Variants in ZNF250 observed in about 807,000 individuals in gnomAD.
ZNF250 encodes zinc finger protein (clone 647).
A neutral mutation model predicts 37.1 loss-of-function variants in ZNF250; 13 were observed. That is an observed-to-expected ratio of 0.35 (90% CI 0.23 to 0.56). ZNF250 has a LOEUF of 0.56. Among genes scored for constraint, ZNF250 ranks in the 20% least tolerant of loss-of-function variants. ZNF250 has a pLI of 0.87. For missense variants in ZNF250, 474 were observed against 697.9 expected, an observed-to-expected ratio of 0.68 and a Z score of 3.61; for synonymous variants, 251 against 265.6, an observed-to-expected ratio of 0.94 and a Z score of 0.54.
At position 144,886,095 on chromosome 8, in the gene ZNF250, TAA is replaced by T. The variant is rs34422407; in HGVS notation, c.346+743_346+744del. 1.2e-3 allele frequency among the ~76,000 whole-genome samples: 138 copies of T among 116,690 alleles called. 1 individual carries two copies. The Middle Eastern group carries it at 0.013, about 11-fold the overall frequency. 76.6% of individuals were successfully genotyped at this position (116,690 alleles called of 152,430 possible). ...CTGGGCAACAGAGTGAGAGCCTGTCTAAAAAAAAAAAAAAAAAGTTTCCTGAA... is the reference window on the plus strand; with the variant it reads ...CTGGGCAACAGAGTGAGAGCCTGTCTAAAAAAAAAAAAAAAGTTTCCTGAA... On this transcript the variant is annotated intron_variant, in intron 5 of 5. Coordinates refer to ENST00000417550, the MANE Select transcript of ZNF250 (RefSeq NM_001109689.4).
At chr8:144,885,636 A>T (rs1030214949) in intron 5 of ZNF250, among the ~76,000 whole-genome samples, 21 of 151,842 alleles carry the variant, frequency 1.4e-4, no homozygotes, top group Non-Finnish European at 1.9e-4. Flanking sequence ...GCTAATTTTT[A>T]ATTTTATTTT....
At chr8:144,900,464 A>C (rs559588320) in intron 1 of ZNF250, among the ~76,000 whole-genome samples, 63 of 152,324 alleles carry the variant, frequency 4.1e-4, no homozygotes, top group Middle Eastern at 6.8e-3. Context: ...GAAACTGTTC[A>C]CAGCTCCTGC....
At chr8:144,899,556 A>AT (rs1832969236) in intron 1 of ZNF250, among the ~76,000 whole-genome samples, 2 of 152,178 alleles carry the variant, frequency 1.3e-5, no homozygotes. Context: ...ATACAGGTAT[A>AT]TTTTTATTAT....
intron 5 of ZNF250, among the ~76,000 whole-genome samples, chr8:144,883,305 G>A (rs986147601): frequency 2.6e-5 from 4 of 152,098 alleles, no homozygotes; most frequent in African/African-American, 9.7e-5. Flanking sequence ...ATGAGGTAGG[G>A]GTGGTGGTGC....
chr8:144,888,842 G>A (rs200239006), intron 4 of ZNF250, among the ~76,000 whole-genome samples: 1 of 152,030 alleles, frequency 6.6e-6, no homozygotes, highest in Non-Finnish European at 1.5e-5. Context: ...TCTGCCTCCC[G>A]GGTTCACGCC....
Position 144,878,188 on chromosome 8 carries a change from C to T in ZNF250, c.*3327G>A, listed in dbSNP as rs769598199. On this transcript the variant is annotated 3_prime_UTR_variant, in exon 6 of 6. Coordinates refer to ENST00000417550, the MANE Select transcript of ZNF250 (RefSeq NM_001109689.4). ...GGCTCTGAAGTAACACCTCAGTAATCTCAGTTCCTCTTTGGACTGTTACCT... is the reference window on the plus strand; with the variant it reads ...GGCTCTGAAGTAACACCTCAGTAATTTCAGTTCCTCTTTGGACTGTTACCT... 10 of 152,224 alleles carry T rather than the reference C, an allele frequency of 6.6e-5. No individual in the cohort carries two copies. Among genetic ancestry groups the T allele is most frequent in the Non-Finnish European group, 1.2e-4 (8 of 68,042 alleles). 9.4% of individuals were successfully genotyped at this position (152,224 alleles called of 1,614,324 possible).
chr8:144,882,280 C>T lies in ZNF250; in HGVS notation c.903G>A (p.Thr301=), dbSNP rs367751639. ...ACGGACACACATATGGCCTTTCTCC[C>T]GTGTGGATCCGCTGGTGCTGAATGA... ...SHLIQHQRIH[T]GERPYVCPLC... is the part of the protein sequence containing the mutation. Residue 301 remains threonine, a synonymous_variant, in exon 6 of 6, where the codon ACG becomes ACA. Coordinates refer to ENST00000417550, the MANE Select transcript of ZNF250 (RefSeq NM_001109689.4). This position sits in a 1 kb window ranked among gnomAD's most constrained non-coding sequence, Gnocchi z 5.5. The T allele has an allele frequency of 3.2e-5, 51 of 1,612,930 alleles. No individual in the cohort carries two copies. The East Asian group carries it at 6.7e-4, about 21-fold the overall frequency.
At chr8:144,893,661 A>G (rs1832510909) in intron 1 of ZNF250, among the ~76,000 whole-genome samples, 2 of 152,160 alleles carry the variant, frequency 1.3e-5, no homozygotes, top group African/African-American at 4.8e-5. Flanking sequence ...GGGTGAATGC[A>G]CAGCTCTGGT....
In ZNF250 at chr8:144,891,996, T is replaced by C. The variant is rs1459900513; in HGVS notation, c.-54-1593A>G. Among the ~76,000 whole-genome samples the C allele has an allele frequency of 6.6e-6, 1 of 152,272 alleles. No individual in the cohort carries two copies. The highest frequency in any genetic ancestry group is 1.9e-4 in the East Asian group (1 of 5,192). Reference sequence around the variant, plus strand: ...GCTGAGATCATCTCAGCTGAGACTCTGTCTCAAAACAAAACAAAAAAAACA... The same window carrying C: ...GCTGAGATCATCTCAGCTGAGACTCCGTCTCAAAACAAAACAAAAAAAACA... On this transcript the variant is annotated intron_variant, in intron 1 of 5. Transcript: ENST00000417550. This position sits in a 1 kb window ranked among gnomAD's most constrained non-coding sequence, Gnocchi z 4.0.
chr8:144,890,177 G>T lies in ZNF250; in HGVS notation c.43-118C>A. 1 of 1,525,902 alleles carries T rather than the reference G, an allele frequency of 6.6e-7. No homozygotes were observed. The highest frequency in any genetic ancestry group is 8.9e-7 in the Non-Finnish European group (1 of 1,121,412). The allele number at this position is 1,525,902 out of a possible 1,614,324, so 94.5% of individuals were successfully genotyped here. A position where few individuals can be genotyped will look rare whatever the true frequency, so the allele number is the denominator to read the frequency against. On this transcript the variant is annotated intron_variant, in intron 2 of 5. Transcript: ENST00000417550. This position sits in a 1 kb window ranked among gnomAD's most constrained non-coding sequence, Gnocchi z 5.1. ...GTGGGGGGCTCTGTGAGCTGAGGTGGGTGATGGGAAGGGGCCGCGGAGTTC... is the reference window on the plus strand; with the variant it reads ...GTGGGGGGCTCTGTGAGCTGAGGTGTGTGATGGGAAGGGGCCGCGGAGTTC...
intron 1 of ZNF250, among the ~76,000 whole-genome samples, chr8:144,898,284 G>C (rs1563903889): frequency 6.6e-6 from 1 of 151,870 alleles, no homozygotes. Flanking sequence ...GCAACAGAGT[G>C]AGACTCCATC....
Position 144,880,664 on chromosome 8 carries a change from GA to G in ZNF250, c.*850del, listed in dbSNP as rs1831407900. 2.8e-6 allele frequency: 1 copy of G among 354,342 alleles called. No individual in the cohort carries two copies. Among genetic ancestry groups the G allele is most frequent in the Non-Finnish European group, 5.7e-6 (1 of 176,576 alleles). 21.9% of individuals were successfully genotyped at this position (354,342 alleles called of 1,614,324 possible). The stretch of plus-strand genomic sequence containing the variant: ...GGATCACTTGAGGCCAGGAGTTCGA[GA>G]CCAGCCTGGCCAACACGGTGAAACT... On this transcript the variant is annotated 3_prime_UTR_variant, in exon 6 of 6. Transcript: ENST00000417550.
At position 144,896,008 on chromosome 8, in the gene ZNF250, C is replaced by CAAAAAAAAAA. The variant is rs1183288137; in HGVS notation, c.-55+5381_-55+5390dup. On this transcript the variant is annotated intron_variant, in intron 1 of 5. Coordinates refer to ENST00000417550, the MANE Select transcript of ZNF250 (RefSeq NM_001109689.4). ...TGCATAACAGAGCAAGACTCTGTCTCAAAAAAAAAAAAAAAAAAAAAATCC... is the reference window on the plus strand; with the variant it reads ...TGCATAACAGAGCAAGACTCTGTCTCAAAAAAAAAAAAAAAAAAAAAAAAAAAAAAAATCC... Among the ~76,000 whole-genome samples the CAAAAAAAAAA allele has an allele frequency of 1.8e-4, 12 of 64,930 alleles. No homozygotes were observed. The East Asian group carries it at 2.1e-3, about 11-fold the overall frequency. The allele number at this position is 64,930 out of a possible 152,430, so 42.6% of individuals were successfully genotyped here.
At position 144,882,178 on chromosome 8, in the gene ZNF250, C is replaced by T. The variant is rs1831528575; in HGVS notation, c.1005G>A (p.Arg335=). The part of the protein sequence containing the change: ...QRVHTGEKPH[R]CNECGKTFSV... ...TGAAGGTTTTCCCACACTCATTGCACCTGTGAGGCTTCTCCCCAGTGTGTA... is the reference window on the plus strand; with the variant it reads ...TGAAGGTTTTCCCACACTCATTGCATCTGTGAGGCTTCTCCCCAGTGTGTA... Residue 335 remains arginine, a synonymous_variant, in exon 6 of 6, where the codon AGG becomes AGA. Transcript: ENST00000417550. This position sits in a 1 kb window ranked among gnomAD's most constrained non-coding sequence, Gnocchi z 5.5. 1.9e-6 allele frequency: 3 copies of T among 1,613,964 alleles called. No individual in the cohort carries two copies.
At chr8:144,900,623 G>A (rs1391746306) in intron 1 of ZNF250, among the ~76,000 whole-genome samples, 3 of 151,988 alleles carry the variant, frequency 2.0e-5, no homozygotes, top group Admixed American at 6.5e-5. Flanking sequence ...CAAAGAGTTG[G>A]GCTCATTCAT....
In ZNF250 at chr8:144,882,390, G is replaced by A; in HGVS notation, c.793C>T (p.Leu265Phe). 1 of 1,614,088 alleles carries A rather than the reference G, an allele frequency of 6.2e-7. No individual in the cohort carries two copies. The highest frequency in any genetic ancestry group is 8.5e-7 in the Non-Finnish European group (1 of 1,179,990). ...CGKAFRVSSD[L>F]AQHHKIHTGE... ...GTATGTATCTTGTGATGCTGAGCAA[G>A]ATCTGAGCTCACTCTAAAGGCTTTT... is the stretch of plus-strand genomic sequence containing the variant. Residue 265 changes from leucine to phenylalanine, a missense_variant, in exon 6 of 6, where the codon CTT (leucine) becomes TTT (phenylalanine). Leu to Phe is a conservative substitution (Grantham distance 22, BLOSUM62 0). Transcript: ENST00000417550. The surrounding 1 kb of genome is among the most constrained non-coding windows in gnomAD (Gnocchi z 5.5).
chr8:144,892,548 ATTTT>A (rs574717449), intron 1 of ZNF250, among the ~76,000 whole-genome samples: 179 of 151,382 alleles, frequency 1.2e-3, no homozygotes, highest in African/African-American at 4.2e-3. Context: ...TCAATAACCA[ATTTT>A]TTTGTTTGTT....
rs1235346023 is a variant in ZNF250 at position 144,891,200 on chromosome 8, T to C, written c.-54-797A>G. Reference sequence around the variant, plus strand: ...GTACAGGATAGGGTTCGCAGTCTTCTGGAGCATCAAAAAGAAGATACTGTG... The same window carrying C: ...GTACAGGATAGGGTTCGCAGTCTTCCGGAGCATCAAAAAGAAGATACTGTG... On this transcript the variant is annotated intron_variant, in intron 1 of 5. Coordinates refer to ENST00000417550, the MANE Select transcript of ZNF250 (RefSeq NM_001109689.4). This position sits in a 1 kb window ranked among gnomAD's most constrained non-coding sequence, Gnocchi z 4.0. Among the ~76,000 whole-genome samples, 1 of 152,176 alleles carries C rather than the reference T, an allele frequency of 6.6e-6. No individual in the cohort carries two copies. The highest frequency in any genetic ancestry group is 1.5e-5 in the Non-Finnish European group (1 of 68,038).
At position 144,890,269 on chromosome 8, in the gene ZNF250, C is replaced by T. The variant is rs1465511223; in HGVS notation, c.42+39G>A. 15 of 1,548,290 alleles carry T rather than the reference C, an allele frequency of 9.7e-6. No homozygotes were observed. The highest frequency in any genetic ancestry group is 2.4e-5 in the South Asian group (2 of 82,520). On this transcript the variant is annotated intron_variant, in intron 2 of 5. Transcript: ENST00000417550. This position sits in a 1 kb window ranked among gnomAD's most constrained non-coding sequence, Gnocchi z 5.1. ...GGGGCACGGAAGGAACCACAGGGCTCGGGCTGGGGGCACTGCATAAGCACT... is the reference window on the plus strand; with the variant it reads ...GGGGCACGGAAGGAACCACAGGGCTTGGGCTGGGGGCACTGCATAAGCACT...
Sources: allele counts gnomAD v4.1 joint callset (sites outside exome capture counted in the v4.1 genomes callset), GRCh38; gene constraint gnomAD v4.1.1; non-coding constraint Gnocchi (gnomAD v3.1); transcripts MANE v1.5; gene names NCBI Gene and HGNC (gene_info 2026-07-23, HGNC 2026-07-21).